Variants in NOS1AP observed in about 807,000 individuals in gnomAD.
NOS1AP encodes the protein carboxyl-terminal PDZ ligand of neuronal nitric oxide synthase protein.
NOS1AP carries 21 observed loss-of-function variants against 56.2 expected under a neutral mutation model. The ratio of observed to expected loss-of-function variants is 0.37; its 90% CI spans 0.26 to 0.54. NOS1AP has a LOEUF of 0.54. NOS1AP is among the 20% of genes least tolerant of loss of function. The pLI is 0.84. For missense variants in NOS1AP, 522 were observed against 657.8 expected, an observed-to-expected ratio of 0.79 and a Z score of 2.26; for synonymous variants, 270 against 274.6, an observed-to-expected ratio of 0.98 and a Z score of 0.17.
chr1:162,340,552 T>C (rs1320049283), intron 5 of NOS1AP, among the ~76,000 whole-genome samples: 4 of 152,258 alleles, frequency 2.6e-5, no homozygotes, highest in Non-Finnish European at 4.4e-5. Context: ...ATAGTCAGGA[T>C]AAAACATTTC....
chr1:162,257,833 G>A (rs571216552), intron 2 of NOS1AP, among the ~76,000 whole-genome samples: 2 of 152,230 alleles, frequency 1.3e-5, no homozygotes, highest in South Asian at 4.2e-4. Flanking sequence ...GTAACCCAAA[G>A]TTCCTGGACC....
chr1:162,264,698 G>C (rs1003112338), intron 2 of NOS1AP, among the ~76,000 whole-genome samples: 2 of 149,918 alleles, frequency 1.3e-5, no homozygotes, highest in Non-Finnish European at 3.0e-5. Flanking sequence ...GTAGAGACAG[G>C]GTTTTGCCAT....
rs973977517 is a variant in NOS1AP at position 162,235,725 on chromosome 1, G to A, written c.178-51619G>A. Among the ~76,000 whole-genome samples, 7 of 152,358 alleles carry A rather than the reference G, an allele frequency of 4.6e-5. No homozygotes were observed. The South Asian group carries it at 1.0e-3, about 23-fold the overall frequency. On this transcript the variant is annotated intron_variant, in intron 2 of 9. Coordinates refer to ENST00000361897, the MANE Select transcript of NOS1AP (RefSeq NM_014697.3). ...GCCAAGGGGCAGTTACAAGAAAGGT[G>A]ATGGTGGTTAATTCCTGGCATTCCG...
intron 3 of NOS1AP, among the ~76,000 whole-genome samples, chr1:162,299,878 G>A (rs60151891): frequency 0.013 from 1,971 of 152,218 alleles, 43 homozygotes; most frequent in African/African-American, 0.046. Context: ...CCCTAGTCCC[G>A]GTGGGGGCTT....
At chr1:162,334,851 T>G (rs956485) in intron 5 of NOS1AP, among the ~76,000 whole-genome samples, 14,677 of 152,240 alleles carry the variant, frequency 0.096, 1,062 homozygotes, top group African/African-American at 0.19. Context: ...AGAGGTTAAA[T>G]GACTTGCCTG....
chr1:162,232,757 T>C (rs1423035938), intron 2 of NOS1AP, among the ~76,000 whole-genome samples: 1 of 151,906 alleles, frequency 6.6e-6, no homozygotes, highest in African/African-American at 2.4e-5. Flanking sequence ...AGTTATTTGC[T>C]TTATTATGTA....
intron 2 of NOS1AP, among the ~76,000 whole-genome samples, chr1:162,164,233 A>G (rs908484962): frequency 6.6e-6 from 1 of 152,258 alleles, no homozygotes; most frequent in Non-Finnish European, 1.5e-5. Flanking sequence ...GATATGCAGA[A>G]TGTCAGTTCC....
intron 1 of NOS1AP, among the ~76,000 whole-genome samples, chr1:162,111,572 T>C (rs1447364032): frequency 6.6e-6 from 1 of 152,220 alleles, no homozygotes; most frequent in Non-Finnish European, 1.5e-5. Flanking sequence ...GAGACCTGGC[T>C]TGATGGCATG....
intron 2 of NOS1AP, among the ~76,000 whole-genome samples, chr1:162,267,596 CAAA>C (rs71829190): frequency 1.2e-4 from 12 of 100,146 alleles, no homozygotes; most frequent in Non-Finnish European, 1.1e-4. Context: ...CCTGTCTCTA[CAAA>C]AAAAAAAAAA....
intron 1 of NOS1AP, among the ~76,000 whole-genome samples, chr1:162,086,423 A>C (rs186376467): frequency 6.6e-6 from 1 of 152,166 alleles, no homozygotes; most frequent in South Asian, 2.1e-4. Flanking sequence ...TCTGTCTTCT[A>C]TACCCTTCCT....
chr1:162,286,844 C>A (rs1235223114), intron 2 of NOS1AP, among the ~76,000 whole-genome samples: 2 of 152,166 alleles, frequency 1.3e-5, no homozygotes, highest in Non-Finnish European at 2.9e-5. Flanking sequence ...TAGACTGACT[C>A]ACAGATAAAG....
At chr1:162,098,198 C>G (rs1178792904) in intron 1 of NOS1AP, among the ~76,000 whole-genome samples, 1 of 149,350 alleles carries the variant, frequency 6.7e-6, no homozygotes, top group Non-Finnish European at 1.5e-5. Flanking sequence ...CCTCTGCCCC[C>G]TGGGCTCAAG....
intron 3 of NOS1AP, among the ~76,000 whole-genome samples, chr1:162,287,957 C>T (rs1322397693): frequency 6.6e-6 from 1 of 152,142 alleles, no homozygotes; most frequent in Admixed American, 6.5e-5. Context: ...TGCTGCTGCT[C>T]CGTGTGCAGG....
chr1:162,190,531 T>G (rs1651592298), intron 2 of NOS1AP, among the ~76,000 whole-genome samples: 1 of 152,206 alleles, frequency 6.6e-6, no homozygotes. Context: ...AATGATATCT[T>G]AATACATAGA....
rs1006657977 is a variant in NOS1AP, at chr1:162,355,378, G to A, written c.762+25G>A. ...GGTAGGCAAGAGATGGCCCATCTGT[G>A]TGATCTGCACACGTGTGCCCTCAGG... On this transcript the variant is annotated intron_variant, in intron 7 of 9. Coordinates refer to ENST00000361897, the MANE Select transcript of NOS1AP (RefSeq NM_014697.3). The A allele has an allele frequency of 5.6e-6, 9 of 1,613,760 alleles. No homozygotes were observed. In the African/African-American group the frequency reaches 1.1e-4, roughly 19 times the overall value.
chr1:162,249,027 A>C (rs563152472), intron 2 of NOS1AP, among the ~76,000 whole-genome samples: 8 of 152,164 alleles, frequency 5.3e-5, no homozygotes, highest in Non-Finnish European at 8.8e-5. Context: ...AAGGCCTTCC[A>C]TCTCCAGACC....
chr1:162,160,496 G>A (rs12026452), intron 2 of NOS1AP, among the ~76,000 whole-genome samples: 24,272 of 152,164 alleles, frequency 0.16, 2,891 homozygotes, highest in East Asian at 0.55. Flanking sequence ...TGGAGGCAGC[G>A]ACTGGAGTTG....
In NOS1AP at chr1:162,296,179, CAGG is replaced by C. The variant is rs146709384; in HGVS notation, c.271-4451_271-4449del. Among the ~76,000 whole-genome samples the C allele has an allele frequency of 6.7e-3, 1,018 of 152,202 alleles. 63 individuals are homozygous for C. The East Asian group carries it at 0.15, about 23-fold the overall frequency. On this transcript the variant is annotated intron_variant, in intron 3 of 9. Coordinates refer to ENST00000361897, the MANE Select transcript of NOS1AP (RefSeq NM_014697.3). The stretch of plus-strand genomic sequence containing the variant: ...GTGAGTGCCTGTAGTCCCAACTACT[CAGG>C]AGACTGAGGCAGGAGAATCGCTTGA...
intron 2 of NOS1AP, among the ~76,000 whole-genome samples, chr1:162,271,284 C>A (rs1654577121): frequency 6.9e-6 from 1 of 145,476 alleles, no homozygotes; most frequent in Non-Finnish European, 1.5e-5. Flanking sequence ...GCGATGGTAC[C>A]CCCCACCCCC....
Sources: allele counts gnomAD v4.1 joint callset (sites outside exome capture counted in the v4.1 genomes callset), GRCh38; gene constraint gnomAD v4.1.1; transcripts MANE v1.5; gene names NCBI Gene and HGNC (gene_info 2026-07-23, HGNC 2026-07-21).